The following SEC23A variants were observed in gnomAD, a reference collection of about 807,000 sequenced individuals.
SEC23A encodes protein transport protein Sec23A.
SEC23A carries 56 observed loss-of-function variants against 103.7 expected under a neutral mutation model. The ratio of observed to expected loss-of-function variants is 0.54; its 90% CI spans 0.44 to 0.67. The LOEUF (loss-of-function observed/expected upper bound fraction) is 0.67. SEC23A is among the 30% of genes least tolerant of loss of function. The probability of loss-of-function intolerance (pLI) is 0.00; values close to 1 mark genes in which losing one functional copy is unlikely to be tolerated. For missense variants in SEC23A, 784 were observed against 936.4 expected (o/e 0.84, Z 2.12); for synonymous variants, 281 against 293.0 (o/e 0.96, Z 0.42).
intron 12 of SEC23A, among the ~76,000 whole-genome samples, chr14:39,062,885 T>C (rs1346031901): frequency 6.6e-6 from 1 of 152,192 alleles, no homozygotes; most frequent in African/African-American, 2.4e-5. Flanking sequence ...CAAATACGAT[T>C]ACTTTCCAAA....
intron 5 of SEC23A, among the ~76,000 whole-genome samples, chr14:39,089,165 C>CAAAAAAA (rs58732430): frequency 1.4e-5 from 1 of 69,356 alleles, no homozygotes; most frequent in Non-Finnish European, 3.1e-5. Flanking sequence ...GACTCCGTGT[C>CAAAAAAA]AAAAAAAAAA....
At chr14:39,077,227 C>CAA (rs57549556) in intron 7 of SEC23A, among the ~76,000 whole-genome samples, 2,923 of 36,328 alleles carry the variant, frequency 0.08, 438 homozygotes, top group African/African-American at 0.095. Context: ...GACTCCATCT[C>CAA]AAAAAAAAAA....
At chr14:39,100,578 A>C (rs1185265080) in intron 1 of SEC23A, among the ~76,000 whole-genome samples, 1 of 151,764 alleles carries the variant, frequency 6.6e-6, no homozygotes, top group Admixed American at 6.6e-5. Context: ...ACACCTGGCT[A>C]ATTTTTGTAT....
In SEC23A at chr14:39,092,535, T is replaced by A; in HGVS notation, c.366+6A>T. The A allele has an allele frequency of 6.4e-7, 1 of 1,555,056 alleles. No individual in the cohort carries two copies. The highest frequency in any genetic ancestry group is 1.4e-5 in the African/African-American group (1 of 73,746). On this transcript the variant is annotated splice_donor_region_variant and intron_variant, in intron 4 of 19. Coordinates refer to ENST00000307712, the MANE Select transcript of SEC23A (RefSeq NM_006364.4). ...CTTTCTTAAATATTTGTTCTTAGGT[T>A]CTTACCAGAACTACATATTCAATGC...
chr14:39,048,802 AT>A, intron 14 of SEC23A, 73 bp from the exon 15 acceptor site: 1 of 807,570 alleles, frequency 1.2e-6, no homozygotes. Context: ...TAAATATTCT[AT>A]TTACAAGAAG....
chr14:39,067,941 AT>A (rs1886729954), intron 9 of SEC23A, among the ~76,000 whole-genome samples: 1 of 152,000 alleles, frequency 6.6e-6, no homozygotes, highest in South Asian at 2.1e-4. Context: ...AGGTGCTGGG[AT>A]TACAGGCATG....
At chr14:39,038,951 A>G in intron 19 of SEC23A, 80 bp downstream of exon 19, 1 of 1,237,104 alleles carries the variant, frequency 8.1e-7, no homozygotes, top group Non-Finnish European at 1.2e-6. Context: ...AATACACAGG[A>G]AAAAAATGTA....
chr14:39,047,171 G>T (rs145236419), intron 15 of SEC23A, among the ~76,000 whole-genome samples: 47 of 152,280 alleles, frequency 3.1e-4, no homozygotes, highest in Admixed American at 7.2e-4. Context: ...AGGGTCCTCT[G>T]CTTCCTATTT....
chr14:39,063,927 C>T (rs941031574), intron 11 of SEC23A, among the ~76,000 whole-genome samples: 6 of 151,878 alleles, frequency 4.0e-5, no homozygotes, highest in East Asian at 1.9e-4. Flanking sequence ...ACCTAGGAGG[C>T]GGAGCTTGCA....
chr14:39,064,713 T>C (rs1886596760), intron 11 of SEC23A, 200 bp downstream of exon 11: 1 of 584,570 alleles, frequency 1.7e-6, no homozygotes. Flanking sequence ...ATTGGTGCTG[T>C]CCTGTGCGTT....
intron 7 of SEC23A, among the ~76,000 whole-genome samples, 190 bp from the exon 8 acceptor site, chr14:39,076,283 T>C (rs373325017): frequency 1.3e-5 from 2 of 152,276 alleles, no homozygotes. Context: ...CTATGGTATA[T>C]AGTAGCACAT....
At chr14:39,041,409 C>CAAAAAAAAAAAAAAAA (rs56911438) in intron 17 of SEC23A, 20 of 14,644 alleles carry the variant, frequency 1.4e-3, no homozygotes, top group African/African-American at 1.7e-3. Flanking sequence ...AAAGAAAAAG[C>CAAAAAAAAAAAAAAAA]AAAAAAAAAA....
rs1296317202 is a variant in SEC23A at position 39,064,737 on chromosome 14, T to C, written c.1308+176A>G. On this transcript the variant is annotated intron_variant, in intron 11 of 19. Coordinates refer to ENST00000307712, the MANE Select transcript of SEC23A (RefSeq NM_006364.4). Reference sequence around the variant, plus strand: ...GTCCTGTGCGTTCGCTGTGTCTTTTTTTCTTTTTTGGGGGGATAACAGGAG... The same window carrying C: ...GTCCTGTGCGTTCGCTGTGTCTTTTCTTCTTTTTTGGGGGGATAACAGGAG... The C allele has an allele frequency of 1.1e-5, 7 of 632,364 alleles. No individual in the cohort carries two copies. The East Asian group carries it at 1.7e-4, about 15-fold the overall frequency. 39.2% of individuals were successfully genotyped at this position (632,364 alleles called of 1,614,324 possible).
At chr14:39,102,094 T>C (rs1237774205) in intron 1 of SEC23A, among the ~76,000 whole-genome samples, 3 of 152,198 alleles carry the variant, frequency 2.0e-5, no homozygotes, top group Non-Finnish European at 4.4e-5. Flanking sequence ...TAGCCGGGCA[T>C]AGTAGCTCGC....
intron 5 of SEC23A, chr14:39,087,762 G>A (rs1330308492): frequency 2.6e-5 from 4 of 152,170 alleles, no homozygotes; most frequent in African/African-American, 4.8e-5. Flanking sequence ...AACTAATCCT[G>A]CAATATTTCC....
chr14:39,055,330 G>A (rs1205687609), intron 13 of SEC23A, 34 bp from the exon 14 acceptor site: 2 of 1,598,996 alleles, frequency 1.3e-6, no homozygotes, highest in Admixed American at 1.7e-5. Context: ...AAATGCTTCT[G>A]AATTATTATA....
chr14:39,048,967 T>C (rs1352548040), intron 14 of SEC23A, among the ~76,000 whole-genome samples: 1 of 151,996 alleles, frequency 6.6e-6, no homozygotes, highest in Non-Finnish European at 1.5e-5. Context: ...CTTAAAATAT[T>C]TGGATATTTT....
chr14:39,094,067 G>A (rs1312009826), intron 2 of SEC23A, among the ~76,000 whole-genome samples: 1 of 151,110 alleles, frequency 6.6e-6, no homozygotes, highest in Non-Finnish European at 1.5e-5. Flanking sequence ...TATTGCCCAT[G>A]CTGCAGTGCA....
At chr14:39,048,335 A>G (rs1442349057) in intron 15 of SEC23A, among the ~76,000 whole-genome samples, 1 of 152,184 alleles carries the variant, frequency 6.6e-6, no homozygotes, top group Non-Finnish European at 1.5e-5. Context: ...CAAGAAAAGA[A>G]TATGGGTCTG....
Sources: allele counts gnomAD v4.1 joint callset (sites outside exome capture counted in the v4.1 genomes callset), GRCh38; gene constraint gnomAD v4.1.1; transcripts MANE v1.5; gene names NCBI Gene and HGNC (gene_info 2026-07-23, HGNC 2026-07-21).